The following CUX1 variants were observed in gnomAD, a reference collection of about 807,000 sequenced individuals.
The protein encoded by CUX1 is protein CASP.
A neutral mutation model predicts 158.8 loss-of-function variants in CUX1; 31 were observed. The ratio of observed to expected loss-of-function variants is 0.20; its 90% CI spans 0.15 to 0.26. The LOEUF (loss-of-function observed/expected upper bound fraction) is 0.26, where lower values mean the gene tolerates loss of function less well. Ranked by LOEUF, CUX1 falls within the 10% of genes least tolerant of loss-of-function variation. CUX1 has a pLI of 1.00. For missense variants in CUX1, 1,589 were observed against 2,014.6 expected (o/e 0.79, Z 4.04); for synonymous variants, 879 against 862.1 (o/e 1.02, Z -0.34).
Position 102,122,033 on chromosome 7 carries a change from G to A in CUX1, c.674+6760G>A, listed in dbSNP as rs537536177. ...TTCCTCATGAAAGACTCACAGAACT[G>A]GGGCCAGGTAGAGCCCGGTTGAGTA... On this transcript the variant is annotated intron_variant, in intron 8 of 23. Coordinates refer to ENST00000292535, the MANE Select transcript of CUX1 (RefSeq NM_181552.4). Among the ~76,000 whole-genome samples, 3 of 152,228 alleles carry A rather than the reference G, an allele frequency of 2.0e-5. No individual in the cohort carries two copies. The East Asian group carries it at 5.8e-4, about 29-fold the overall frequency.
intron 2 of CUX1, among the ~76,000 whole-genome samples, chr7:101,973,679 G>A (rs975926332): frequency 6.6e-6 from 1 of 151,936 alleles, no homozygotes; most frequent in Non-Finnish European, 1.5e-5. Flanking sequence ...AAAGAAGAGG[G>A]AAAGAAAGTG....
intron 11 of CUX1, chr7:102,188,460 C>A (rs1161049915): frequency 1.3e-5 from 2 of 152,198 alleles, no homozygotes; most frequent in Non-Finnish European, 2.9e-5. Flanking sequence ...CCTACGACCA[C>A]CCTACAGCAA....
At chr7:102,133,842 AG>A (rs1563290851) in intron 8 of CUX1, among the ~76,000 whole-genome samples, 1 of 152,200 alleles carries the variant, frequency 6.6e-6, no homozygotes. Flanking sequence ...TTGTAAATGA[AG>A]CCCCCACACC....
exon 19 of CUX1, chr7:102,280,107 C>T: frequency 6.2e-7 from 1 of 1,609,560 alleles, no homozygotes; most frequent in South Asian, 1.1e-5. Context: ...CCCTTCTCCT[C>T]CTTCAGCAAG....
At chr7:102,180,259 G>A (rs1447082208) in intron 11 of CUX1, among the ~76,000 whole-genome samples, 25 of 151,452 alleles carry the variant, frequency 1.7e-4, no homozygotes, top group Non-Finnish European at 4.4e-5. Context: ...CTGACCTCAG[G>A]TGATCACCAG....
intron 4 of CUX1, among the ~76,000 whole-genome samples, chr7:102,088,764 T>C (rs1015390424): frequency 3.7e-4 from 56 of 152,236 alleles, no homozygotes; most frequent in Admixed American, 3.3e-3. Context: ...TTAACCTATA[T>C]ACAATTAATC....
intron 14 of CUX1, among the ~76,000 whole-genome samples, chr7:102,269,118 TTTTGTTTG>T (rs71123029): frequency 0.54 from 79,703 of 147,738 alleles, 22,189 homozygotes; most frequent in African/African-American, 0.7. Flanking sequence ...GTGTGGGTTT[TTTTGTTTG>T]TTTGTTTGTT....
chr7:102,043,323 CTGTGTGTGTGTGTG>C (rs57276921), intron 3 of CUX1, among the ~76,000 whole-genome samples: 2,268 of 139,142 alleles, frequency 0.016, 22 homozygotes, highest in Middle Eastern at 0.025. Flanking sequence ...CATTAGCTCA[CTGTGTGTGTGTGTG>C]TGTGTGTGTG....
chr7:101,870,144 GTT>G (rs112866816), intron 1 of CUX1, among the ~76,000 whole-genome samples: 2 of 111,208 alleles, frequency 1.8e-5, no homozygotes, highest in Non-Finnish European at 1.8e-5. Context: ...GATGTTTAGT[GTT>G]TTTTTTGTTT....
At chr7:101,816,976 G>C (rs1791893456), upstream of CUX1, 1 of 983,656 alleles carries the variant, frequency 1.0e-6, no homozygotes. Flanking sequence ...CGCACCTCGC[G>C]GCCGCCGCGC....
intron 2 of CUX1, among the ~76,000 whole-genome samples, chr7:101,921,480 G>A (rs1407686547): frequency 1.4e-5 from 2 of 143,124 alleles, no homozygotes; most frequent in Non-Finnish European, 3.1e-5. Flanking sequence ...TTATTTATGA[G>A]GCGGAGTTTC....
Position 102,169,803 on chromosome 7 carries a change from G to A in CUX1, c.724-643G>A, listed in dbSNP as rs1315955266. Among the ~76,000 whole-genome samples the A allele has an allele frequency of 3.9e-5, 6 of 152,310 alleles. No homozygotes were observed. In the South Asian group the frequency reaches 6.2e-4, roughly 16 times the overall value. ...ATGGAAAAGTCCACTCATTTGTCCC[G>A]CAGCCCCCAGCACTGGTCTATGCTG... On this transcript the variant is annotated intron_variant, in intron 9 of 23. Coordinates refer to ENST00000292535, the MANE Select transcript of CUX1 (RefSeq NM_181552.4).
At chr7:102,062,172 C>T (rs1006847801) in intron 3 of CUX1, among the ~76,000 whole-genome samples, 1 of 152,224 alleles carries the variant, frequency 6.6e-6, no homozygotes, top group Non-Finnish European at 1.5e-5. Flanking sequence ...CAAAGCATTT[C>T]GTGTGGCTAT....
At chr7:102,110,977 G>T (rs1366516832) in intron 6 of CUX1, among the ~76,000 whole-genome samples, 1 of 152,098 alleles carries the variant, frequency 6.6e-6, no homozygotes, top group Non-Finnish European at 1.5e-5. Flanking sequence ...TTTTCTAGAG[G>T]TGATGAGAAT....
intron 8 of CUX1, among the ~76,000 whole-genome samples, chr7:102,141,958 C>T: frequency 6.6e-6 from 1 of 151,966 alleles, no homozygotes; most frequent in East Asian, 1.9e-4. Flanking sequence ...TTCCTTAACA[C>T]TTCCTACCAC....
At chr7:102,037,874 G>A (rs1821625127) in intron 3 of CUX1, among the ~76,000 whole-genome samples, 1 of 151,694 alleles carries the variant, frequency 6.6e-6, no homozygotes, top group Non-Finnish European at 1.5e-5. Flanking sequence ...GGGCAACATG[G>A]TGAAACCCTA....
Position 101,914,344 on chromosome 7 carries a change from C to T in CUX1, c.31-1771C>T, listed in dbSNP as rs559307925. On this transcript the variant is annotated intron_variant, in intron 1 of 23. Transcript: ENST00000292535. ...CTGCTTTTTAAAGTGTCTACGATTC[C>T]TTCCTTCTTCCTTCCTTCCTTCCTT... 4.0e-5 allele frequency among the ~76,000 whole-genome samples: 6 copies of T among 148,154 alleles called. No homozygotes were observed. The East Asian group carries it at 1.2e-3, about 30-fold the overall frequency.
At chr7:102,032,526 G>A (rs1284098396) in intron 3 of CUX1, among the ~76,000 whole-genome samples, 5 of 151,910 alleles carry the variant, frequency 3.3e-5, no homozygotes, top group East Asian at 3.9e-4. Flanking sequence ...AAAATTAGGC[G>A]GGCATGATGG....
In CUX1 at chr7:101,869,139, A is replaced by T. The variant is rs540414463; in HGVS notation, c.31-46976A>T. Among the ~76,000 whole-genome samples the T allele has an allele frequency of 4.1e-4, 62 of 152,128 alleles. 1 individual carries two copies. Among genetic ancestry groups the T allele is most frequent in the African/African-American group, 1.4e-3 (60 of 41,510 alleles). On this transcript the variant is annotated intron_variant, in intron 1 of 23. Coordinates refer to ENST00000292535, the MANE Select transcript of CUX1 (RefSeq NM_181552.4). The surrounding 1 kb of genome is among the most constrained non-coding windows in gnomAD (Gnocchi z 4.5). ...GCAAAGGCCAGAAGGAGTGGGAGTC[A>T]TTCCACCTGGGATGTGGGAATGGCT...
Sources: gnomAD v4.1 joint callset for allele counts (sites outside exome capture counted in the v4.1 genomes callset) on GRCh38, gnomAD v4.1.1 for gene constraint, Gnocchi (gnomAD v3.1) non-coding constraint, MANE v1.5 for transcripts, NCBI Gene and HGNC (gene_info 2026-07-23, HGNC 2026-07-21) for gene names.